SYT14: variants seen among roughly 807,000 people sequenced by gnomAD.
The protein encoded by SYT14 is synaptotagmin-14.
SYT14 carries 32 observed loss-of-function variants against 74.2 expected under a neutral mutation model. That is an observed-to-expected ratio of 0.43 (90% CI 0.33 to 0.58). The LOEUF (loss-of-function observed/expected upper bound fraction) is 0.58, where lower values mean the gene tolerates loss of function less well. Among genes scored for constraint, SYT14 ranks in the 20% least tolerant of loss-of-function variants. The probability of loss-of-function intolerance (pLI) is 0.05; values close to 1 mark genes in which losing one functional copy is unlikely to be tolerated. For synonymous variants in SYT14, 298 were observed against 337.7 expected (o/e 0.88, Z 1.29); for missense variants, 791 against 981.8 (o/e 0.81, Z 2.60).
At chr1:210,094,027 A>G (rs1011779601) in intron 5 of SYT14, among the ~76,000 whole-genome samples, 3 of 75,332 alleles carry the variant, frequency 4.0e-5, no homozygotes, top group African/African-American at 2.9e-4. Flanking sequence ...TGAGAGAGAC[A>G]AATAAGCTGT....
intron 8 of SYT14, among the ~76,000 whole-genome samples, chr1:210,158,951 A>C (rs2083321305): frequency 6.6e-6 from 1 of 152,090 alleles, no homozygotes; most frequent in African/African-American, 2.4e-5. Flanking sequence ...ATTCAAGAGC[A>C]AAAAGTTCAA....
chr1:210,139,687 T>C (rs2082876011), intron 7 of SYT14, among the ~76,000 whole-genome samples: 1 of 152,194 alleles, frequency 6.6e-6, no homozygotes, highest in African/African-American at 2.4e-5. Context: ...TTTGTCTCTA[T>C]GGTTTTGCCT....
chr1:209,998,854 G>A (rs1394066927), intron 2 of SYT14, among the ~76,000 whole-genome samples: 1 of 151,894 alleles, frequency 6.6e-6, no homozygotes, highest in Non-Finnish European at 1.5e-5. Context: ...AAAGAAAAAA[G>A]GAGAAATACT....
chr1:210,095,686 T>C (rs2081956356), intron 6 of SYT14, among the ~76,000 whole-genome samples: 1 of 152,218 alleles, frequency 6.6e-6, no homozygotes, highest in Non-Finnish European at 1.5e-5. Context: ...AGGTGTAGTT[T>C]CCTAATACCC....
chr1:210,070,254 G>A (rs2081368486), intron 5 of SYT14, among the ~76,000 whole-genome samples: 1 of 151,994 alleles, frequency 6.6e-6, no homozygotes, highest in Admixed American at 6.6e-5. Flanking sequence ...AATATGAAAA[G>A]GTAAAACTCT....
At chr1:210,147,781 G>C (rs2102689658) in intron 7 of SYT14, among the ~76,000 whole-genome samples, 2 of 152,232 alleles carry the variant, frequency 1.3e-5, no homozygotes, top group Middle Eastern at 6.8e-3. Context: ...GTGCTAGTGA[G>C]AAAGGAGGTG....
chr1:210,105,303 C>T (rs2082139417), intron 7 of SYT14, among the ~76,000 whole-genome samples: 1 of 152,226 alleles, frequency 6.6e-6, no homozygotes, highest in East Asian at 1.9e-4. Context: ...TTGCTCCTCT[C>T]TGCAAAAGCA....
intron 5 of SYT14, among the ~76,000 whole-genome samples, chr1:210,059,462 A>G (rs1439897325): frequency 6.9e-6 from 1 of 145,680 alleles, no homozygotes; most frequent in Non-Finnish European, 1.5e-5. Flanking sequence ...AGAGAGAGAG[A>G]GAGAGAGAGA....
At chr1:210,095,022 T>A (rs1281803791) in intron 6 of SYT14, among the ~76,000 whole-genome samples, 4 of 152,192 alleles carry the variant, frequency 2.6e-5, no homozygotes, top group African/African-American at 9.7e-5. Context: ...ATGCAAGGGA[T>A]AAATGATGAT....
chr1:210,022,191 T>G (rs376907152), intron 5 of SYT14, among the ~76,000 whole-genome samples: 2 of 152,204 alleles, frequency 1.3e-5, no homozygotes, highest in South Asian at 4.1e-4. Context: ...ACTTAAAGTT[T>G]TATCCCAGCA....
chr1:210,008,397 G>A lies in SYT14; in HGVS notation c.-485-5236G>A, dbSNP rs1444002322. 2.6e-5 allele frequency among the ~76,000 whole-genome samples: 4 copies of A among 151,278 alleles called. 1 individual carries two copies. The highest frequency in any genetic ancestry group is 4.2e-4 in the South Asian group (2 of 4,800). On this transcript the variant is annotated intron_variant, in intron 2 of 9. Coordinates refer to ENST00000637265, the Ensembl canonical transcript of SYT14. Reference sequence around the variant, plus strand: ...TTTTTTCTTTTTGAGATGGAATCTCGCTCTCGCTCAGGCTGGAATGCAGTG... The same window carrying A: ...TTTTTTCTTTTTGAGATGGAATCTCACTCTCGCTCAGGCTGGAATGCAGTG...
At chr1:210,074,682 G>A (rs891899104) in intron 5 of SYT14, among the ~76,000 whole-genome samples, 1 of 152,134 alleles carries the variant, frequency 6.6e-6, no homozygotes, top group Non-Finnish European at 1.5e-5. Context: ...ATAGTGAAAT[G>A]GGAAAAGTTC....
At chr1:210,026,823 A>C (rs2080424340) in intron 5 of SYT14, among the ~76,000 whole-genome samples, 2 of 152,002 alleles carry the variant, frequency 1.3e-5, no homozygotes, top group South Asian at 4.1e-4. Context: ...CTTTAAGTCC[A>C]TTTTAACTGT....
intron 2 of SYT14, among the ~76,000 whole-genome samples, chr1:210,000,613 C>CTTTTTTT (rs71146203): frequency 1.9e-5 from 2 of 105,442 alleles, no homozygotes; most frequent in Admixed American, 2.5e-4. Context: ...TTTATGCCTT[C>CTTTTTTT]TTTTTTTTTT....
intron 5 of SYT14, among the ~76,000 whole-genome samples, chr1:210,083,497 C>T (rs1201109151): frequency 2.0e-5 from 3 of 152,112 alleles, no homozygotes; most frequent in African/African-American, 7.2e-5. Context: ...ACTGCAGCCT[C>T]AATCTCCTGG....
intron 5 of SYT14, among the ~76,000 whole-genome samples, chr1:210,024,213 AAGGAACCATAATC>A (rs1324720471): frequency 5.9e-5 from 9 of 152,186 alleles, no homozygotes; most frequent in Non-Finnish European, 1.3e-4. Flanking sequence ...GTTTTTTACT[AAGGAACCATAATC>A]AGGGTTGTGC....
intron 6 of SYT14, among the ~76,000 whole-genome samples, chr1:210,095,976 C>T (rs2081960702): frequency 6.6e-6 from 1 of 152,062 alleles, no homozygotes; most frequent in Non-Finnish European, 1.5e-5. Context: ...ACAGTGAAGC[C>T]TGGATTGTGG....
chr1:209,947,720 C>T (rs983311221), intron 1 of SYT14, among the ~76,000 whole-genome samples: 11 of 152,176 alleles, frequency 7.2e-5, no homozygotes, highest in Non-Finnish European at 1.6e-4. Flanking sequence ...TTTGAGAGGA[C>T]TGACTCCAGT....
chr1:210,092,762 A>G (rs2081898303), intron 5 of SYT14, among the ~76,000 whole-genome samples: 1 of 152,218 alleles, frequency 6.6e-6, no homozygotes, highest in South Asian at 2.1e-4. Flanking sequence ...TAGGTTCTGC[A>G]TCTGTGAATT....
Sources: gnomAD v4.1 joint callset for allele counts (sites outside exome capture counted in the v4.1 genomes callset) on GRCh38, gnomAD v4.1.1 for gene constraint, MANE v1.5 for transcripts, NCBI Gene and HGNC (gene_info 2026-07-23, HGNC 2026-07-21) for gene names.